Variants in PCDHA7 observed in about 807,000 individuals in gnomAD.
PCDHA7 encodes the protein protocadherin alpha 7.
PCDHA7 carries 37 observed loss-of-function variants against 57.2 expected under a neutral mutation model. That is an observed-to-expected ratio of 0.65 (90% confidence interval 0.50 to 0.85). The LOEUF (loss-of-function observed/expected upper bound fraction) is 0.85. PCDHA7 is among the 40% of genes least tolerant of loss of function. The pLI is 0.00. For missense variants in PCDHA7, 1,188 were observed against 1,241.8 expected (o/e 0.96, Z 0.65); for synonymous variants, 553 against 558.8 (o/e 0.99, Z 0.15).
At chr5:140,933,212 T>C (rs2088935461) in intron 1 of PCDHA7, among the ~76,000 whole-genome samples, 1 of 151,682 alleles carries the variant, frequency 6.6e-6, no homozygotes, top group African/African-American at 2.4e-5. Context: ...ATTACATGTC[T>C]GTTATATTGC....
At chr5:140,846,310 A>G (rs1373754894) in intron 1 of PCDHA7, among the ~76,000 whole-genome samples, 4 of 145,832 alleles carry the variant, frequency 2.7e-5, no homozygotes, top group African/African-American at 1.0e-4. Context: ...TAAACCATTT[A>G]TGTAGAGTGT....
At chr5:140,951,685 T>C (rs1305310211) in intron 1 of PCDHA7, among the ~76,000 whole-genome samples, 4 of 152,140 alleles carry the variant, frequency 2.6e-5, no homozygotes, top group African/African-American at 9.7e-5. Flanking sequence ...GGGATTACAA[T>C]GTGACATGAG....
intron 1 of PCDHA7, chr5:140,969,448 G>C (rs781843317): frequency 2.0e-6 from 3 of 1,537,944 alleles, no homozygotes; most frequent in Non-Finnish European, 2.6e-6. Flanking sequence ...CTGGTAAACT[G>C]AGTATATATA....
At chr5:140,878,837 A>G (rs6885420) in intron 1 of PCDHA7, among the ~76,000 whole-genome samples, 4 of 152,334 alleles carry the variant, frequency 2.6e-5, no homozygotes, top group Admixed American at 2.6e-4. Context: ...AGGCTGGACT[A>G]GAACTTCTGG....
At chr5:140,968,106 C>T (rs1554230344) in intron 1 of PCDHA7, 8 of 1,614,016 alleles carry the variant, frequency 5.0e-6, no homozygotes, top group East Asian at 2.2e-5. Flanking sequence ...GGGGGAATAC[C>T]GCAGCTCACA....
At position 140,972,838 on chromosome 5, in the gene PCDHA7, A is replaced by G. The variant is rs181315236; in HGVS notation, c.2356-6111A>G. Among the ~76,000 whole-genome samples the G allele has an allele frequency of 2.0e-4, 30 of 151,814 alleles. No individual in the cohort carries two copies. In the East Asian group the frequency reaches 5.8e-3, roughly 30 times the overall value. The stretch of plus-strand genomic sequence containing the variant: ...GCCACCACGCCTGGCTAATTTTTGT[A>G]TTTTTAGTAGAGATGGGGTTTCATC... On this transcript the variant is annotated intron_variant, in intron 1 of 3. Transcript: ENST00000525929.
chr5:140,985,202 G>A (rs1554246846), intron 3 of PCDHA7, among the ~76,000 whole-genome samples: 1 of 152,204 alleles, frequency 6.6e-6, no homozygotes, highest in Non-Finnish European at 1.5e-5. Flanking sequence ...CTCCCAAAGT[G>A]TTGGGATTAC....
chr5:140,933,646 A>G (rs1459396156), intron 1 of PCDHA7, among the ~76,000 whole-genome samples: 16 of 152,120 alleles, frequency 1.1e-4, no homozygotes, highest in African/African-American at 3.9e-4. Flanking sequence ...AACAAGTTGG[A>G]AATCCTGTCT....
chr5:140,909,011 T>G (rs998704146), intron 1 of PCDHA7, among the ~76,000 whole-genome samples: 1 of 152,170 alleles, frequency 6.6e-6, no homozygotes, highest in Non-Finnish European at 1.5e-5. Flanking sequence ...AGGTAGAAGG[T>G]TCCTGAATTT....
intron 1 of PCDHA7, among the ~76,000 whole-genome samples, chr5:140,921,828 A>C (rs1209455799): frequency 6.6e-6 from 1 of 152,126 alleles, no homozygotes; most frequent in Non-Finnish European, 1.5e-5. Flanking sequence ...ATATCTATAC[A>C]CATATAGACA....
chr5:140,850,503 G>C (rs2041643123), intron 1 of PCDHA7: 1 of 1,598,290 alleles, frequency 6.3e-7, no homozygotes, highest in Non-Finnish European at 8.6e-7. Flanking sequence ...GGTGTCGCTG[G>C]TGGAGAGCGG....
intron 1 of PCDHA7, chr5:140,841,143 T>C (rs1298799618): frequency 4.1e-6 from 3 of 736,926 alleles, no homozygotes; most frequent in Non-Finnish European, 4.3e-6. Flanking sequence ...AGCCACATGA[T>C]GTCGCTGTCT....
At chr5:140,988,963 G>A (rs1273293184) in intron 3 of PCDHA7, 2 of 152,140 alleles carry the variant, frequency 1.3e-5, no homozygotes, top group African/African-American at 4.8e-5. Flanking sequence ...CAAGCCCCAC[G>A]ATGGAGAGAA....
chr5:140,972,919 C>T (rs1231455019), intron 1 of PCDHA7, among the ~76,000 whole-genome samples: 1 of 152,078 alleles, frequency 6.6e-6, no homozygotes, highest in African/African-American at 2.4e-5. Flanking sequence ...GCCTTGGCCT[C>T]CCAAAGTGCT....
At chr5:140,882,344 A>T in intron 1 of PCDHA7, 2 of 1,614,084 alleles carry the variant, frequency 1.2e-6, no homozygotes, top group Admixed American at 3.3e-5. Flanking sequence ...AGCCTGGGAG[A>T]CGGGTAGTGG....
At chr5:140,901,583 T>A (rs530803677) in intron 1 of PCDHA7, among the ~76,000 whole-genome samples, 6 of 152,222 alleles carry the variant, frequency 3.9e-5, no homozygotes, top group Non-Finnish European at 8.8e-5. Flanking sequence ...GCCAGTGCCA[T>A]GATGTTTTGG....
chr5:141,003,017 G>T (rs1398844749), intron 3 of PCDHA7, among the ~76,000 whole-genome samples: 1 of 152,240 alleles, frequency 6.6e-6, no homozygotes, highest in Non-Finnish European at 1.5e-5. Flanking sequence ...GGGAAAGTCA[G>T]TGTAAATCAG....
In PCDHA7 at chr5:140,964,303, C is replaced by T. The variant is rs947126454; in HGVS notation, c.2356-14646C>T. Among the ~76,000 whole-genome samples the T allele has an allele frequency of 9.2e-5, 14 of 152,208 alleles. 1 individual carries two copies. Among genetic ancestry groups the T allele is most frequent in the Non-Finnish European group, 2.9e-5 (2 of 68,038 alleles). On this transcript the variant is annotated intron_variant, in intron 1 of 3. Coordinates refer to ENST00000525929, the MANE Select transcript of PCDHA7 (RefSeq NM_018910.3). ...AATTCTAGCTGGAGCTAAATACCTA[C>T]AAGGCCTAAAACAGCATAATGGACA... is the stretch of plus-strand genomic sequence containing the variant.
intron 1 of PCDHA7, chr5:140,857,253 A>G (rs1554149722): frequency 1.3e-6 from 2 of 1,598,432 alleles, no homozygotes; most frequent in Admixed American, 3.4e-5. Context: ...ACCTACAAGA[A>G]TTACTACTCA....
Sources: allele counts gnomAD v4.1 joint callset (sites outside exome capture counted in the v4.1 genomes callset), GRCh38; gene constraint gnomAD v4.1.1; transcripts MANE v1.5; gene names NCBI Gene and HGNC (gene_info 2026-07-23, HGNC 2026-07-21).